Variants in SLC14A2 observed in about 807,000 individuals in gnomAD.
The protein encoded by SLC14A2 is urea transporter 2.
Under a neutral mutation model 104.6 loss-of-function variants are expected in SLC14A2, and 91 were observed. The observed-to-expected ratio is 0.87, with a 90% CI of 0.73 to 1.04. The LOEUF is 1.04. SLC14A2 is among the 50% of genes least tolerant of loss of function. The pLI, the probability that SLC14A2 is intolerant of heterozygous loss-of-function variation, is 0.00. For missense variants in SLC14A2, 1,189 were observed against 1,156.0 expected, an observed-to-expected ratio of 1.03 and a Z score of -0.41; for synonymous variants, 476 against 466.4, an observed-to-expected ratio of 1.02 and a Z score of -0.27.
intron 2 of SLC14A2, among the ~76,000 whole-genome samples, chr18:45,533,454 C>T (rs1353568667): frequency 6.6e-6 from 1 of 152,140 alleles, no homozygotes; most frequent in African/African-American, 2.4e-5. Context: ...GGAATTTATC[C>T]ATTTCTTCTA....
chr18:45,235,832 C>CATGT (rs1491244379), intron 1 of SLC14A2, among the ~76,000 whole-genome samples: 3 of 71,862 alleles, frequency 4.2e-5, no homozygotes, highest in African/African-American at 5.9e-5. Flanking sequence ...TATATATATA[C>CATGT]GTGTATATAT....
At chr18:45,523,904 G>C (rs2043553683) in intron 2 of SLC14A2, among the ~76,000 whole-genome samples, 1 of 152,186 alleles carries the variant, frequency 6.6e-6, no homozygotes, top group Admixed American at 6.5e-5. Flanking sequence ...GTCCTTTGAA[G>C]AAGATTTTGT....
At chr18:45,501,818 G>A (rs370836825) in intron 2 of SLC14A2, among the ~76,000 whole-genome samples, 9 of 152,166 alleles carry the variant, frequency 5.9e-5, no homozygotes, top group South Asian at 4.1e-4. Context: ...AGTGACTTCC[G>A]CTCTGGGGAA....
At position 45,446,813 on chromosome 18, in the gene SLC14A2, G is replaced by T. The variant is rs544167255; in HGVS notation, c.-124-36420G>T. On this transcript the variant is annotated intron_variant, in intron 1 of 20. Coordinates refer to the SLC14A2 transcript ENST00000586448. ...ACTGGAAAGAAGTAGTCCCAAAATGGGGCTCAGCAAGATGAATAGGACAGA... is the reference window on the plus strand; with the variant it reads ...ACTGGAAAGAAGTAGTCCCAAAATGTGGCTCAGCAAGATGAATAGGACAGA... Among the ~76,000 whole-genome samples the T allele has an allele frequency of 8.4e-4, 128 of 152,210 alleles. 1 individual carries two copies. Among genetic ancestry groups the T allele is most frequent in the African/African-American group, 2.9e-3 (122 of 41,528 alleles).
At chr18:45,282,253 G>A (rs993434503) in intron 1 of SLC14A2, among the ~76,000 whole-genome samples, 2 of 152,144 alleles carry the variant, frequency 1.3e-5, no homozygotes, top group Admixed American at 1.3e-4. Flanking sequence ...GACCTAAAGA[G>A]TCAACTGTGA....
intron 1 of SLC14A2, among the ~76,000 whole-genome samples, chr18:45,264,558 C>T (rs1471908030): frequency 6.6e-6 from 1 of 152,144 alleles, no homozygotes; most frequent in Non-Finnish European, 1.5e-5. Flanking sequence ...CTCACAGTTC[C>T]ACATGGCTGG....
chr18:45,645,943 G>C (rs1342853502), intron 10 of SLC14A2, among the ~76,000 whole-genome samples: 4 of 152,080 alleles, frequency 2.6e-5, no homozygotes, highest in African/African-American at 9.7e-5. Context: ...AGTCCCTTGC[G>C]ACATAGCAAA....
At chr18:45,274,806 C>A (rs2084685579) in intron 1 of SLC14A2, among the ~76,000 whole-genome samples, 1 of 152,228 alleles carries the variant, frequency 6.6e-6, no homozygotes, top group South Asian at 2.1e-4. Context: ...TCCTCTTGAA[C>A]ATCATTTGCT....
chr18:45,527,200 C>T (rs147818097), intron 2 of SLC14A2, among the ~76,000 whole-genome samples: 1 of 152,272 alleles, frequency 6.6e-6, no homozygotes, highest in South Asian at 2.1e-4. Flanking sequence ...GCTCCCTGTT[C>T]TGATGAGAAG....
intron 2 of SLC14A2, among the ~76,000 whole-genome samples, chr18:45,585,198 G>T (rs898833283): frequency 6.6e-6 from 1 of 151,950 alleles, no homozygotes; most frequent in African/African-American, 2.4e-5. Flanking sequence ...CTGTTCATTT[G>T]ACCCTCACAT....
chr18:45,192,846 C>T, the SLC14A2 span, among the ~76,000 whole-genome samples: 1,410 of 151,874 alleles, frequency 9.3e-3, 32 homozygotes, highest in African/African-American at 0.032. Flanking sequence ...TTAGTAGAGA[C>T]GGGGTTTCAC....
chr18:45,536,574 G>A lies in SLC14A2; in HGVS notation c.-35+53252G>A, dbSNP rs1344588973. Among the ~76,000 whole-genome samples the A allele has an allele frequency of 1.3e-5, 2 of 152,124 alleles. 1 individual carries two copies. Among genetic ancestry groups the A allele is most frequent in the East Asian group, 3.9e-4 (2 of 5,178 alleles). ...TCTCCAGAGGACACCATTCATGTCA[G>A]ATTAAGAGCCGCTCTTCTCCAGTAT... On this transcript the variant is annotated intron_variant, in intron 2 of 20. Coordinates refer to the SLC14A2 transcript ENST00000586448.
chr18:45,407,925 G>A (rs2086174147), intron 1 of SLC14A2, among the ~76,000 whole-genome samples: 2 of 152,162 alleles, frequency 1.3e-5, no homozygotes, highest in Admixed American at 1.3e-4. Context: ...TAATGGTAAT[G>A]GAACAGTCTG....
At position 45,609,696 on chromosome 18, in the gene SLC14A2, G is replaced by C. The variant is rs188588585; in HGVS notation, c.-34-14935G>C. ...CTATTCTCTTGTGTGAGTTTACAAA[G>C]AAAAGGTGAGCATTTCATTTAGCTA... is the stretch of plus-strand genomic sequence containing the variant. On this transcript the variant is annotated intron_variant, in intron 2 of 20. Transcript: ENST00000586448. 1.2e-4 allele frequency among the ~76,000 whole-genome samples: 18 copies of C among 152,342 alleles called. No homozygotes were observed. In the East Asian group the frequency reaches 3.5e-3, roughly 29 times the overall value.
chr18:45,365,663 G>A (rs577590912), intron 1 of SLC14A2, among the ~76,000 whole-genome samples: 5 of 152,180 alleles, frequency 3.3e-5, no homozygotes, highest in Non-Finnish European at 7.3e-5. Flanking sequence ...TCCCTGCTCG[G>A]TGCTCTTCCC....
chr18:45,341,114 G>A (rs1444051124), intron 1 of SLC14A2, among the ~76,000 whole-genome samples: 2 of 151,234 alleles, frequency 1.3e-5, no homozygotes, highest in Non-Finnish European at 2.9e-5. Flanking sequence ...GACCAAGATT[G>A]TGGTTTATTT....
intron 2 of SLC14A2, chr18:45,515,720 A>G (rs895386348): frequency 6.6e-6 from 1 of 152,270 alleles, no homozygotes; most frequent in African/African-American, 2.4e-5. Context: ...CTGTGGATGT[A>G]GACACATTGG....
intron 1 of SLC14A2, among the ~76,000 whole-genome samples, chr18:45,456,410 T>C (rs1456825353): frequency 6.6e-6 from 1 of 152,210 alleles, no homozygotes; most frequent in Non-Finnish European, 1.5e-5. Flanking sequence ...GTTAGTCTCC[T>C]TGCATCCACA....
At chr18:45,482,407 G>T (rs912052623) in intron 1 of SLC14A2, 1 of 152,100 alleles carries the variant, frequency 6.6e-6, no homozygotes, top group Non-Finnish European at 1.5e-5. Flanking sequence ...AGTTTCTGAG[G>T]GTCTGGAATC....
Sources: gnomAD v4.1 joint callset for allele counts (sites outside exome capture counted in the v4.1 genomes callset) on GRCh38, gnomAD v4.1.1 for gene constraint, MANE v1.5 for transcripts, NCBI Gene and HGNC (gene_info 2026-07-23, HGNC 2026-07-21) for gene names.